The following RELN variants were observed in gnomAD, a reference collection of about 807,000 sequenced individuals.
The protein encoded by RELN is reelin.
RELN carries 108 observed loss-of-function variants against 427.6 expected under a neutral mutation model. The ratio of observed to expected loss-of-function variants is 0.25; its 90% confidence interval spans 0.22 to 0.30. The LOEUF is 0.30. RELN is among the 10% of genes least tolerant of loss of function. RELN has a pLI of 1.00. For synonymous variants in RELN, 1,524 were observed against 1,513.4 expected, an observed-to-expected ratio of 1.01 and a Z score of -0.16; for missense variants, 3,715 against 4,302.8, an observed-to-expected ratio of 0.86 and a Z score of 3.82.
intron 16 of RELN, among the ~76,000 whole-genome samples, chr7:103,642,128 A>AT (rs1218738308): frequency 6.6e-6 from 1 of 152,106 alleles, no homozygotes; most frequent in African/African-American, 2.4e-5. Flanking sequence ...AGTTGAAAAA[A>AT]TTTTTAAAAT....
At chr7:103,776,267 A>T (rs1791740015) in intron 4 of RELN, among the ~76,000 whole-genome samples, 1 of 152,244 alleles carries the variant, frequency 6.6e-6, no homozygotes, top group Non-Finnish European at 1.5e-5. Flanking sequence ...CACAGTTTGT[A>T]GAATTTAAAA....
chr7:103,861,153 T>C (rs1794063529), intron 2 of RELN, among the ~76,000 whole-genome samples: 1 of 152,192 alleles, frequency 6.6e-6, no homozygotes, highest in African/African-American at 2.4e-5. Flanking sequence ...ACACAGTTAT[T>C]ATCATTGAAG....
At chr7:103,694,595 T>A (rs1053343251) in intron 10 of RELN, among the ~76,000 whole-genome samples, 3 of 152,098 alleles carry the variant, frequency 2.0e-5, no homozygotes, top group Non-Finnish European at 4.4e-5. Flanking sequence ...TTTTATTACT[T>A]GGTCAAAGTT....
intron 10 of RELN, among the ~76,000 whole-genome samples, chr7:103,692,159 C>A (rs1452244095): frequency 6.6e-6 from 1 of 152,116 alleles, no homozygotes; most frequent in African/African-American, 2.4e-5. Flanking sequence ...ATTTTTCCAG[C>A]TTTTCTAGGT....
At chr7:103,671,747 C>G (rs1833397464) in intron 11 of RELN, among the ~76,000 whole-genome samples, 1 of 152,078 alleles carries the variant, frequency 6.6e-6, no homozygotes, top group Non-Finnish European at 1.5e-5. Context: ...AAAAGATAAA[C>G]TGTCTGCACT....
chr7:103,845,863 A>G (rs1350857246), intron 2 of RELN, among the ~76,000 whole-genome samples: 3 of 152,134 alleles, frequency 2.0e-5, no homozygotes, highest in Non-Finnish European at 4.4e-5. Flanking sequence ...GCTCAAGAAA[A>G]TAAGAGAGGA....
At chr7:103,859,651 A>G (rs1220293243) in intron 2 of RELN, among the ~76,000 whole-genome samples, 1 of 152,224 alleles carries the variant, frequency 6.6e-6, no homozygotes, top group Non-Finnish European at 1.5e-5. Flanking sequence ...ATAGAATATT[A>G]ATTGGGTTTT....
intron 12 of RELN, among the ~76,000 whole-genome samples, chr7:103,657,898 A>C (rs1052875922): frequency 6.6e-6 from 1 of 152,150 alleles, no homozygotes; most frequent in African/African-American, 2.4e-5. Context: ...AGTCAGTTTT[A>C]AAATATTTTA....
rs1284627062 is a variant in RELN at position 103,523,796 on chromosome 7, G to A, written c.7350-265C>T. Among the ~76,000 whole-genome samples the A allele has an allele frequency of 2.0e-5, 3 of 152,012 alleles. No homozygotes were observed. The East Asian group carries it at 5.8e-4, about 29-fold the overall frequency. ...GGGTTCAAGCAATTCTGATGTCTCAGCCTCCCGAGTAGCTGGGATTATAGG... is the reference window on the plus strand; with the variant it reads ...GGGTTCAAGCAATTCTGATGTCTCAACCTCCCGAGTAGCTGGGATTATAGG... On this transcript the variant is annotated intron_variant, in intron 46 of 64. Transcript: ENST00000428762.
At chr7:103,520,567 C>T (rs973976392) in intron 48 of RELN, among the ~76,000 whole-genome samples, 14 of 152,046 alleles carry the variant, frequency 9.2e-5, no homozygotes, top group South Asian at 2.1e-4. Flanking sequence ...TGAGCCACCG[C>T]GCCTGTAAAT....
chr7:103,615,466 C>A (rs1658997196), intron 20 of RELN, among the ~76,000 whole-genome samples: 1 of 152,180 alleles, frequency 6.6e-6, no homozygotes, highest in African/African-American at 2.4e-5. Context: ...TTATTCATCT[C>A]TGCATCCCCT....
intron 2 of RELN, among the ~76,000 whole-genome samples, chr7:103,915,336 A>T (rs955602514): frequency 1.4e-4 from 21 of 152,190 alleles, no homozygotes; most frequent in African/African-American, 5.1e-4. Context: ...CCCAGCACTC[A>T]GTACACTTCT....
intron 1 of RELN, among the ~76,000 whole-genome samples, chr7:103,952,967 C>A (rs915931694): frequency 4.6e-5 from 7 of 152,160 alleles, no homozygotes; most frequent in African/African-American, 1.7e-4. Flanking sequence ...CCTCTCTCCT[C>A]GCTATGCACT....
At chr7:103,773,687 C>T (rs1791664950) in intron 4 of RELN, among the ~76,000 whole-genome samples, 1 of 151,794 alleles carries the variant, frequency 6.6e-6, no homozygotes, top group African/African-American at 2.4e-5. Context: ...CCAGGCTGGT[C>T]TCAAACTCCT....
rs180884904 is a variant in RELN, at chr7:103,659,648, A to G, written c.1441+1728T>C. On this transcript the variant is annotated intron_variant, in intron 12 of 64. Transcript: ENST00000428762. ...CTCCACTGCAATTACAGCTTCCTCT[A>G]TACTCTCATAGCATTTCATTCCATT... Among the ~76,000 whole-genome samples the G allele has an allele frequency of 2.2e-4, 34 of 152,208 alleles. No homozygotes were observed. The East Asian group carries it at 5.8e-3, about 26-fold the overall frequency.
chr7:103,807,757 C>G, intron 3 of RELN, among the ~76,000 whole-genome samples: 1 of 152,106 alleles, frequency 6.6e-6, no homozygotes, highest in East Asian at 1.9e-4. Context: ...ATAAGGGCCT[C>G]CAGCTGCACC....
At chr7:103,542,953 T>C (rs1830206062) in intron 42 of RELN, 75 bp from the exon 43 acceptor site, 1 of 1,387,972 alleles carries the variant, frequency 7.2e-7, no homozygotes, top group Non-Finnish European at 1.0e-6. Flanking sequence ...AAAAGGAGTA[T>C]GGTAAATGCA....
At chr7:103,925,325 T>C (rs1187280249) in intron 1 of RELN, among the ~76,000 whole-genome samples, 3 of 152,188 alleles carry the variant, frequency 2.0e-5, no homozygotes, top group Non-Finnish European at 4.4e-5. Flanking sequence ...TCATCCACTT[T>C]TGGCCTTTAT....
chr7:103,615,244 T>C (rs918826776), intron 20 of RELN, among the ~76,000 whole-genome samples: 2 of 152,196 alleles, frequency 1.3e-5, no homozygotes, highest in East Asian at 1.9e-4. Flanking sequence ...AGGATTACCT[T>C]TCTAGCCTTC....
Sources: allele counts gnomAD v4.1 joint callset (sites outside exome capture counted in the v4.1 genomes callset), GRCh38; gene constraint gnomAD v4.1.1; transcripts MANE v1.5; gene names NCBI Gene and HGNC (gene_info 2026-07-23, HGNC 2026-07-21).